Variants in PAK4 observed in about 807,000 individuals in gnomAD.
The protein encoded by PAK4 is serine/threonine-protein kinase PAK 4.
A neutral mutation model predicts 53.5 loss-of-function variants in PAK4; 49 were observed. The observed-to-expected ratio is 0.92, with a 90% CI of 0.73 to 1.16. PAK4 has a LOEUF of 1.16. PAK4 is among the 50% of genes most tolerant of loss of function. PAK4 has a pLI of 0.00. For synonymous variants in PAK4, 376 were observed against 375.6 expected, an observed-to-expected ratio of 1.00 and a Z score of -0.01; for missense variants, 824 against 850.7, an observed-to-expected ratio of 0.97 and a Z score of 0.39.
intron 7 of PAK4, among the ~76,000 whole-genome samples, chr19:39,176,990 T>C (rs1159296754): frequency 2.0e-5 from 3 of 152,100 alleles, no homozygotes; most frequent in African/African-American, 7.2e-5. Flanking sequence ...TGCCTCAGCC[T>C]CCCGAGAAGC....
At position 39,173,185 on chromosome 19, in the gene PAK4, A is replaced by G; in HGVS notation, c.472A>G (p.Lys158Glu). Residue 158 changes from lysine to glutamate, a missense_variant, in exon 3 of 9, where the codon AAG (lysine) becomes GAG (glutamate). Transcript: ENST00000358301. This position sits in a 1 kb window ranked among gnomAD's most constrained non-coding sequence, Gnocchi z 6.9. ...TGACAGGCGACGGGCGGGGCCAGAG[A>G]AGAGGCCCAAGTCTTCCAGGGAGGG... is the stretch of plus-strand genomic sequence containing the variant. 1 of 1,543,640 alleles carries G rather than the reference A, an allele frequency of 6.5e-7. No individual in the cohort carries two copies. Among genetic ancestry groups the G allele is most frequent in the Non-Finnish European group, 8.8e-7 (1 of 1,142,324 alleles).
chr19:39,165,447 G>A (rs1227230516), intron 1 of PAK4, among the ~76,000 whole-genome samples: 8 of 150,172 alleles, frequency 5.3e-5, no homozygotes, highest in African/African-American at 1.2e-4. Context: ...CCCGGGAGGC[G>A]GAGGTTGCAG....
At chr19:39,167,105 C>G (rs961748004) in intron 1 of PAK4, among the ~76,000 whole-genome samples, 1 of 152,222 alleles carries the variant, frequency 6.6e-6, no homozygotes, top group African/African-American at 2.4e-5. Context: ...TTGCCCCGTC[C>G]CCAGGTGTCC....
intron 1 of PAK4, among the ~76,000 whole-genome samples, chr19:39,156,307 A>C (rs146599109): frequency 1.5e-5 from 2 of 137,022 alleles, no homozygotes; most frequent in South Asian, 2.3e-4. Context: ...TCTATCCTGC[A>C]CCTAGTGGCC....
chr19:39,177,457 A>G (rs1486494239), intron 7 of PAK4, among the ~76,000 whole-genome samples: 2 of 152,070 alleles, frequency 1.3e-5, no homozygotes, highest in East Asian at 1.9e-4. Flanking sequence ...AGTTGACAGA[A>G]AGAAGAGGGG....
At chr19:39,153,490 G>A (rs2074127408) in intron 1 of PAK4, among the ~76,000 whole-genome samples, 1 of 152,188 alleles carries the variant, frequency 6.6e-6, no homozygotes, top group Non-Finnish European at 1.5e-5. Flanking sequence ...CACCCAGGCT[G>A]GAGTGCAGCG....
intron 1 of PAK4, among the ~76,000 whole-genome samples, chr19:39,158,748 C>A (rs537367573): frequency 6.6e-6 from 1 of 152,246 alleles, no homozygotes; most frequent in Non-Finnish European, 1.5e-5. Context: ...AGCCTGGGGA[C>A]ACAGAGATGG....
At position 39,178,822 on chromosome 19, in the gene PAK4, G is replaced by C; in HGVS notation, c.*243G>C. On this transcript the variant is annotated 3_prime_UTR_variant, in exon 9 of 9. Transcript: ENST00000358301. This position sits in a 1 kb window ranked among gnomAD's most constrained non-coding sequence, Gnocchi z 4.4. ...CCCAGGACCCCCACCCTCTGGGACA[G>C]GCCCTCCCCCATGTTCTTCTGTCTC... The C allele has an allele frequency of 1.7e-5, 8 of 470,540 alleles. No individual in the cohort carries two copies. In the South Asian group the frequency reaches 2.5e-4, roughly 15 times the overall value. 29.1% of individuals were successfully genotyped at this position (470,540 alleles called of 1,614,324 possible). A position where few individuals can be genotyped will look rare whatever the true frequency, so the allele number is the denominator to read the frequency against.
chr19:39,159,572 G>A (rs1268632587), intron 1 of PAK4, among the ~76,000 whole-genome samples: 1 of 152,194 alleles, frequency 6.6e-6, no homozygotes, highest in Non-Finnish European at 1.5e-5. Context: ...TTTTTTAGTA[G>A]GGATGGGGTT....
chr19:39,139,007 T>A (rs2073866532), intron 1 of PAK4, among the ~76,000 whole-genome samples: 1 of 152,102 alleles, frequency 6.6e-6, no homozygotes, highest in Non-Finnish European at 1.5e-5. Flanking sequence ...GCAGGTGTGA[T>A]GGAGATTACA....
At chr19:39,128,681 CG>C (rs2073638841) in intron 1 of PAK4, among the ~76,000 whole-genome samples, 2 of 152,162 alleles carry the variant, frequency 1.3e-5, no homozygotes, top group Admixed American at 6.5e-5. Flanking sequence ...CAGAACACAC[CG>C]TGATACAGTT....
intron 1 of PAK4, among the ~76,000 whole-genome samples, chr19:39,142,828 C>A (rs976672026): frequency 6.6e-6 from 1 of 152,210 alleles, no homozygotes; most frequent in Non-Finnish European, 1.5e-5. Flanking sequence ...TTCTTGACAG[C>A]CTGATGGTGG....
Position 39,173,657 on chromosome 19 carries a change from C to A in PAK4, c.745C>A (p.Pro249Thr). 1 of 1,585,742 alleles carries A rather than the reference C, an allele frequency of 6.3e-7. No individual in the cohort carries two copies. Residue 249 changes from proline (P) to threonine (T), a missense_variant, in exon 4 of 9, where the codon CCT becomes ACT. Physicochemically the swap from Pro to Thr is conservative, Grantham distance 38 (BLOSUM62 -1). This residue lies in a region of PAK4 where 478 missense variants were observed against 435.8 expected (regional missense o/e 1.10). Transcript: ENST00000358301. This position sits in a 1 kb window ranked among gnomAD's most constrained non-coding sequence, Gnocchi z 6.9. ...CCAGTCCTCCTCCTCCTCCTCCCGG[C>A]CTCCCACCCGAGCCCGAGGTGCCCC...
intron 1 of PAK4, among the ~76,000 whole-genome samples, chr19:39,150,939 C>T (rs1325026319): frequency 6.6e-6 from 1 of 152,056 alleles, no homozygotes; most frequent in African/African-American, 2.4e-5. Context: ...GGGTAGGGCC[C>T]ACACTGCACT....
Position 39,173,780 on chromosome 19 carries a change from C to A in PAK4, c.868C>A (p.Arg290Ser), listed in dbSNP as rs375957288. ...TGCTGTTCCTGGGCCCCCTGGCCCC[C>A]GCTCACCACAGCGGGAGCCACAGCG... Residue 290 changes from arginine to serine, a missense_variant, in exon 4 of 9, where the codon CGC (arginine) becomes AGC (serine). Physicochemically the swap from Arg to Ser is moderately radical, Grantham distance 110. This residue lies in a region of PAK4 where 478 missense variants were observed against 435.8 expected (regional missense o/e 1.10). Transcript: ENST00000358301. The surrounding 1 kb of genome is among the most constrained non-coding windows in gnomAD (Gnocchi z 6.9). 1.2e-6 allele frequency: 2 copies of A among 1,602,200 alleles called. No individual in the cohort carries two copies. Among genetic ancestry groups the A allele is most frequent in the East Asian group, 4.5e-5 (2 of 44,200 alleles).
rs1422704679 is a variant in PAK4 at position 39,139,556 on chromosome 19, C to T, written c.-23+13637C>T. Among the ~76,000 whole-genome samples the T allele has an allele frequency of 3.9e-5, 6 of 152,134 alleles. No individual in the cohort carries two copies. In the East Asian group the frequency reaches 9.6e-4, roughly 24 times the overall value. On this transcript the variant is annotated intron_variant, in intron 1 of 8. Coordinates refer to ENST00000358301, the Ensembl canonical transcript of PAK4. ...TCATTCCTTGCATTCCTCAGCAGGC[C>T]CCAGACTCCTGATGGTCCTAAGTGG...
At chr19:39,134,614 C>G (rs1453455917) in intron 1 of PAK4, among the ~76,000 whole-genome samples, 4 of 150,510 alleles carry the variant, frequency 2.7e-5, no homozygotes, top group Non-Finnish European at 5.9e-5. Flanking sequence ...CTTTTTTTTT[C>G]TTTGACACAG....
At chr19:39,150,744 A>C (rs2074080905) in intron 1 of PAK4, among the ~76,000 whole-genome samples, 1 of 152,012 alleles carries the variant, frequency 6.6e-6, no homozygotes, top group African/African-American at 2.4e-5. Flanking sequence ...AAATTAATAA[A>C]AATTAAAAAA....
At chr19:39,141,091 T>TA (rs1340728226) in intron 1 of PAK4, among the ~76,000 whole-genome samples, 2 of 152,308 alleles carry the variant, frequency 1.3e-5, no homozygotes, top group Admixed American at 1.3e-4. Context: ...ACCTTTGTAT[T>TA]ATGGAAATGT....
Sources: gnomAD v4.1 joint callset for allele counts (sites outside exome capture counted in the v4.1 genomes callset) on GRCh38, gnomAD v4.1.1 for gene constraint, gnomAD v4.1.1 regional missense constraint, Gnocchi (gnomAD v3.1) non-coding constraint, MANE v1.5 for transcripts, NCBI Gene and HGNC (gene_info 2026-07-23, HGNC 2026-07-21) for gene names.